Variants in CFAP20DC observed in about 807,000 individuals in gnomAD.
CFAP20DC encodes protein CFAP20DC.
In CFAP20DC, 84 loss-of-function variants were observed where a neutral mutation model predicts 101.7. The ratio of observed to expected loss-of-function variants is 0.83; its 90% confidence interval spans 0.69 to 0.99. The LOEUF (loss-of-function observed/expected upper bound fraction) is 0.99, where lower values mean the gene tolerates loss of function less well. Ranked by LOEUF, CFAP20DC falls within the 50% of genes least tolerant of loss-of-function variation. The pLI, the probability that CFAP20DC is intolerant of heterozygous loss-of-function variation, is 0.00. For synonymous variants in CFAP20DC, 359 were observed against 351.2 expected (o/e 1.02, Z -0.25); for missense variants, 1,007 against 970.3 (o/e 1.04, Z -0.50).
intron 4 of CFAP20DC, among the ~76,000 whole-genome samples, chr3:58,952,592 C>T (rs2090238412): frequency 6.6e-6 from 1 of 152,072 alleles, no homozygotes; most frequent in African/African-American, 2.4e-5. Context: ...ATGTAATCCT[C>T]TCTCTATCAA....
At chr3:58,731,297 T>C (rs2067641518) in intron 3 of CFAP20DC, among the ~76,000 whole-genome samples, 1 of 152,238 alleles carries the variant, frequency 6.6e-6, no homozygotes, top group Non-Finnish European at 1.5e-5. Context: ...AGCTGAATCC[T>C]ACAACACCAC....
At chr3:58,952,486 C>T (rs2090225024) in intron 4 of CFAP20DC, among the ~76,000 whole-genome samples, 1 of 152,120 alleles carries the variant, frequency 6.6e-6, no homozygotes, top group African/African-American at 2.4e-5. Flanking sequence ...AAGTAACCAT[C>T]ATCAACTTGG....
At chr3:58,989,893 CAG>C (rs1414281155) in intron 4 of CFAP20DC, among the ~76,000 whole-genome samples, 7 of 152,002 alleles carry the variant, frequency 4.6e-5, no homozygotes, top group East Asian at 3.9e-4. Flanking sequence ...ATAGCAGAAA[CAG>C]AAAAAATCAT....
intron 4 of CFAP20DC, among the ~76,000 whole-genome samples, chr3:58,980,320 A>G (rs1247651599): frequency 6.6e-6 from 1 of 152,172 alleles, no homozygotes; most frequent in East Asian, 1.9e-4. Context: ...ATTCCAATCA[A>G]CAGAAAAAGA....
At chr3:58,786,980 T>A (rs1248257020) in intron 15 of CFAP20DC, among the ~76,000 whole-genome samples, 2 of 151,910 alleles carry the variant, frequency 1.3e-5, no homozygotes, top group Non-Finnish European at 2.9e-5. Context: ...GCACTATCTG[T>A]CGTTTTAGAC....
At chr3:58,852,802 A>G (rs1243082291) in intron 12 of CFAP20DC, among the ~76,000 whole-genome samples, 4 of 151,532 alleles carry the variant, frequency 2.6e-5, no homozygotes, top group South Asian at 2.1e-4. Flanking sequence ...CAAAGACACA[A>G]CATACCAGAA....
intron 15 of CFAP20DC, among the ~76,000 whole-genome samples, chr3:58,758,724 T>C (rs1237735659): frequency 6.6e-6 from 1 of 152,108 alleles, no homozygotes; most frequent in Non-Finnish European, 1.5e-5. Flanking sequence ...TGTGTGATTT[T>C]TCCCTTCCTG....
chr3:58,851,260 T>A (rs1283215654), intron 12 of CFAP20DC, among the ~76,000 whole-genome samples: 1 of 152,084 alleles, frequency 6.6e-6, no homozygotes, highest in African/African-American at 2.4e-5. Context: ...GTTTGTGGAG[T>A]GTCTGGGTTG....
At chr3:58,903,235 G>C (rs2083301735) in intron 6 of CFAP20DC, among the ~76,000 whole-genome samples, 1 of 152,044 alleles carries the variant, frequency 6.6e-6, no homozygotes, top group Non-Finnish European at 1.5e-5. Flanking sequence ...ACAATGCAAG[G>C]TCATGAAGAT....
intron 13 of CFAP20DC, among the ~76,000 whole-genome samples, chr3:58,847,599 G>A (rs973616669): frequency 6.6e-6 from 1 of 152,110 alleles, no homozygotes; most frequent in African/African-American, 2.4e-5. Context: ...CGTTGTGGAA[G>A]TCAGTGTGGC....
chr3:58,897,755 T>C lies in CFAP20DC; in HGVS notation c.551-13046A>G, dbSNP rs914473294. Reference sequence around the variant, plus strand: ...TTTCTGCTGGGAGTTCTGCTGCTAGTCTGATGGGCTTCCCTTTGTATGCGA... The same window carrying C: ...TTTCTGCTGGGAGTTCTGCTGCTAGCCTGATGGGCTTCCCTTTGTATGCGA... On this transcript the variant is annotated intron_variant, in intron 6 of 16. Coordinates refer to ENST00000482387, the MANE Select transcript of CFAP20DC (RefSeq NM_001394063.1). This position sits in a 1 kb window ranked among gnomAD's most constrained non-coding sequence, Gnocchi z 4.4. Among the ~76,000 whole-genome samples, 1 of 152,250 alleles carries C rather than the reference T, an allele frequency of 6.6e-6. No individual in the cohort carries two copies. Among genetic ancestry groups the C allele is most frequent in the Non-Finnish European group, 1.5e-5 (1 of 68,044 alleles).
At chr3:58,932,488 G>T (rs2086852878) in intron 5 of CFAP20DC, among the ~76,000 whole-genome samples, 1 of 152,068 alleles carries the variant, frequency 6.6e-6, no homozygotes, top group African/African-American at 2.4e-5. Flanking sequence ...CACCAAAGTT[G>T]AAATGAAGGA....
intron 5 of CFAP20DC, among the ~76,000 whole-genome samples, chr3:58,937,391 T>C (rs1212705734): frequency 6.6e-6 from 1 of 152,200 alleles, no homozygotes; most frequent in Non-Finnish European, 1.5e-5. Context: ...TCCTTTCCCT[T>C]TCACATTACC....
In CFAP20DC at chr3:58,742,017, C is replaced by CCAT. The variant is rs1377210917; in HGVS notation, c.*440_*442dup. ...AGCAGTTTAAAAGCTATTCTTCTTA[C>CCAT]CATCATACTTTATTTTTAATACAAA... is the stretch of plus-strand genomic sequence containing the variant. On this transcript the variant is annotated 3_prime_UTR_variant, in exon 17 of 17. Transcript: ENST00000482387. The CCAT allele has an allele frequency of 2.2e-6, 2 of 920,484 alleles. No individual in the cohort carries two copies. Among genetic ancestry groups the CCAT allele is most frequent in the Admixed American group, 6.2e-5 (1 of 16,170 alleles). The allele number at this position is 920,484 out of a possible 1,614,324, so 57.0% of individuals were successfully genotyped here. A position where few individuals can be genotyped will look rare whatever the true frequency, so the allele number is the denominator to read the frequency against.
chr3:59,034,874 A>C lies in CFAP20DC; in HGVS notation c.278+4683T>G, dbSNP rs181191051. Among the ~76,000 whole-genome samples, 823 of 152,306 alleles carry C rather than the reference A, an allele frequency of 5.4e-3. 7 individuals carry two copies. Among genetic ancestry groups the C allele is most frequent in the South Asian group, 0.019 (90 of 4,824 alleles). Reference sequence around the variant, plus strand: ...AGACATCTACAGAACTCGCCACCCCAAATCAACAGAATATACATTCTTCTC... The same window carrying C: ...AGACATCTACAGAACTCGCCACCCCCAATCAACAGAATATACATTCTTCTC... On this transcript the variant is annotated intron_variant, in intron 4 of 16. Transcript: ENST00000482387.
intron 6 of CFAP20DC, among the ~76,000 whole-genome samples, chr3:58,901,712 C>A (rs1277327133): frequency 6.6e-6 from 1 of 152,082 alleles, no homozygotes; most frequent in Non-Finnish European, 1.5e-5. Context: ...CTTGGCTATC[C>A]TGAATGAATC....
chr3:58,911,186 A>C (rs1439668646), intron 6 of CFAP20DC, among the ~76,000 whole-genome samples: 2 of 152,162 alleles, frequency 1.3e-5, no homozygotes, highest in Non-Finnish European at 1.5e-5. Flanking sequence ...GAAGTAAAGA[A>C]GAATGCTTCT....
rs1470137581 is a variant in CFAP20DC at position 58,874,742 on chromosome 3, T to C, written c.716-4433A>G. On this transcript the variant is annotated intron_variant, in intron 7 of 16. Coordinates refer to ENST00000482387, the MANE Select transcript of CFAP20DC (RefSeq NM_001394063.1). This position sits in a 1 kb window ranked among gnomAD's most constrained non-coding sequence, Gnocchi z 5.1. The stretch of plus-strand genomic sequence containing the variant: ...TCCAATATAGGCTCTTCCATAAATT[T>C]TCCCTCATAGAACTTGTCAGAATTG... Among the ~76,000 whole-genome samples, 3 of 152,196 alleles carry C rather than the reference T, an allele frequency of 2.0e-5. No homozygotes were observed. The highest frequency in any genetic ancestry group is 4.4e-5 in the Non-Finnish European group (3 of 68,024).
chr3:58,771,462 G>A (rs2070837591), intron 15 of CFAP20DC, among the ~76,000 whole-genome samples: 2 of 151,926 alleles, frequency 1.3e-5, no homozygotes, highest in Non-Finnish European at 2.9e-5. Flanking sequence ...GAGCCTTCCC[G>A]TTAACAATAT....
Sources: gnomAD v4.1 joint callset for allele counts (sites outside exome capture counted in the v4.1 genomes callset) on GRCh38, gnomAD v4.1.1 for gene constraint, Gnocchi (gnomAD v3.1) non-coding constraint, MANE v1.5 for transcripts, NCBI Gene and HGNC (gene_info 2026-07-23, HGNC 2026-07-21) for gene names.